LIG1: variants seen among roughly 807,000 people sequenced by gnomAD.
LIG1 encodes the protein ligase I, DNA, ATP-dependent.
LIG1 carries 70 observed loss-of-function variants against 115.7 expected under a neutral mutation model. The ratio of observed to expected loss-of-function variants is 0.60; its 90% confidence interval spans 0.50 to 0.74. The LOEUF (loss-of-function observed/expected upper bound fraction) is 0.74. LIG1 is among the 30% of genes least tolerant of loss of function. The pLI is 0.00. For synonymous variants in LIG1, 487 were observed against 495.3 expected, an observed-to-expected ratio of 0.98 and a Z score of 0.22; for missense variants, 1,115 against 1,225.6, an observed-to-expected ratio of 0.91 and a Z score of 1.35.
At chr19:48,123,622 G>C (rs976273095) in intron 21 of LIG1, 5 of 432,864 alleles carry the variant, frequency 1.2e-5, no homozygotes, top group Admixed American at 7.1e-5. Flanking sequence ...TTTGTTTTTT[G>C]TTTTTGTTTT....
At chr19:48,146,808 C>T (rs915471081) in intron 9 of LIG1, among the ~76,000 whole-genome samples, 11 of 152,164 alleles carry the variant, frequency 7.2e-5, no homozygotes, top group Middle Eastern at 3.2e-3. Context: ...TCAGGAGGCA[C>T]GATATGGCAA....
chr19:48,166,239 A>G (rs1429487431), intron 1 of LIG1, among the ~76,000 whole-genome samples: 2 of 152,178 alleles, frequency 1.3e-5, no homozygotes, highest in Non-Finnish European at 1.5e-5. Context: ...TCTACTAAAA[A>G]TACAAAAATT....
In LIG1 at chr19:48,127,990, G is replaced by C. The variant is rs1210106066; in HGVS notation, c.1852C>G (p.Leu618Val). 1.9e-6 allele frequency: 3 copies of C among 1,614,174 alleles called. No homozygotes were observed. The highest frequency in any genetic ancestry group is 2.5e-6 in the Non-Finnish European group (3 of 1,180,022). ...IKLPSVTSFI[L>V]DTEAVAWDRE... ...TCCCAAGCCACGGCTTCGGTGTCCA[G>C]GATGAAGGATGTGACCGATGGGAGT... The change falls in exon 20 of 28, where the codon CTG (leucine) becomes GTG (valine). Residue 618 changes from leucine to valine, a missense_variant. Transcript: ENST00000263274.
At chr19:48,121,665 G>C (rs2122358512) in intron 23 of LIG1, among the ~76,000 whole-genome samples, 1 of 152,300 alleles carries the variant, frequency 6.6e-6, no homozygotes, top group South Asian at 2.1e-4. Flanking sequence ...GCCGGGCGTG[G>C]TGGCGTGTGC....
At chr19:48,158,822 C>A (rs932264241) in intron 4 of LIG1, among the ~76,000 whole-genome samples, 2 of 152,216 alleles carry the variant, frequency 1.3e-5, no homozygotes, top group African/African-American at 4.8e-5. Context: ...GCTCTCGGGG[C>A]ACCTTCTCTA....
intron 21 of LIG1, among the ~76,000 whole-genome samples, chr19:48,125,333 A>C (rs1599751903): frequency 6.6e-6 from 1 of 152,332 alleles, no homozygotes; most frequent in East Asian, 1.9e-4. Context: ...TCCTCTCCCC[A>C]GACATCACGG....
chr19:48,144,521 A>G (rs750330354), intron 9 of LIG1, among the ~76,000 whole-genome samples: 6 of 152,028 alleles, frequency 3.9e-5, no homozygotes, highest in Non-Finnish European at 8.8e-5. Flanking sequence ...TTTTTTCTTG[A>G]GACAGAGTCT....
intron 21 of LIG1, 90 bp from the exon 22 acceptor site, chr19:48,123,408 G>T: frequency 6.9e-7 from 1 of 1,451,234 alleles, no homozygotes. Context: ...GGACATGTGC[G>T]GGTCACAACT....
Position 48,153,963 on chromosome 19 carries a change from C to T in LIG1, c.375G>A (p.Arg125=), listed in dbSNP as rs773567172. ...PSGIPKRRTA[R]KQLPKRTIQE... is the part of the protein sequence containing the mutation. Reference sequence around the variant, plus strand: ...GAATGGTCCGTTTCGGGAGCTGCTTCCGAGCTGGGGAGGCAAAGGGCTTGG... The same window carrying T: ...GAATGGTCCGTTTCGGGAGCTGCTTTCGAGCTGGGGAGGCAAAGGGCTTGG... The change falls in exon 6 of 28, where the codon CGG becomes CGA. Residue 125 remains arginine (R), a synonymous_variant. Transcript: ENST00000263274. The T allele has an allele frequency of 2.3e-5, 37 of 1,613,868 alleles. No homozygotes were observed. The South Asian group carries it at 4.1e-4, about 18-fold the overall frequency.
At chr19:48,141,527 A>G (rs2034756415) in intron 11 of LIG1, among the ~76,000 whole-genome samples, 1 of 152,244 alleles carries the variant, frequency 6.6e-6, no homozygotes, top group African/African-American at 2.4e-5. Flanking sequence ...AGAGGCACCG[A>G]AAGAGTCCGT....
At chr19:48,126,769 CA>C (rs2033697096) in intron 21 of LIG1, among the ~76,000 whole-genome samples, 1 of 143,224 alleles carries the variant, frequency 7.0e-6, no homozygotes, top group Non-Finnish European at 1.5e-5. Flanking sequence ...TTTGAATAGA[CA>C]CAAGGTCTTT....
At chr19:48,125,443 T>G (rs937556535) in intron 21 of LIG1, among the ~76,000 whole-genome samples, 11 of 152,188 alleles carry the variant, frequency 7.2e-5, no homozygotes, top group Admixed American at 2.0e-4. Flanking sequence ...CAAAGGCATC[T>G]CTGCATTAGA....
chr19:48,139,866 C>A lies in LIG1; in HGVS notation c.1087+105G>T, dbSNP rs1033325905. ...CTCCCTCTCAGCCTTCTCCTCAACC[C>A]TGTTTCACAGCCTCTCTCCACCATC... On this transcript the variant is annotated intron_variant, in intron 12 of 27. Coordinates refer to ENST00000263274, the MANE Select transcript of LIG1 (RefSeq NM_000234.3). 1.5e-4 allele frequency: 209 copies of A among 1,349,400 alleles called. 1 individual carries two copies. Among genetic ancestry groups the A allele is most frequent in the Non-Finnish European group, 2.1e-4 (198 of 945,888 alleles). 83.6% of individuals were successfully genotyped at this position (1,349,400 alleles called of 1,614,324 possible).
intron 6 of LIG1, 99 bp from the exon 7 acceptor site, chr19:48,151,438 C>CT (rs963983849): frequency 7.6e-5 from 61 of 805,610 alleles, no homozygotes; most frequent in Non-Finnish European, 9.6e-5. Flanking sequence ...GTCATCTGTT[C>CT]TTTTTTTTGA....
intron 12 of LIG1, among the ~76,000 whole-genome samples, chr19:48,138,207 G>A (rs904539763): frequency 1.3e-5 from 2 of 152,160 alleles, no homozygotes; most frequent in African/African-American, 4.8e-5. Flanking sequence ...GAGCTGGGGA[G>A]ATGGAGCCTC....
intron 12 of LIG1, among the ~76,000 whole-genome samples, chr19:48,139,200 G>A (rs1020194083): frequency 1.3e-5 from 2 of 152,202 alleles, no homozygotes; most frequent in Non-Finnish European, 2.9e-5. Flanking sequence ...GGCCCTGGGG[G>A]CCCACAGATA....
intron 4 of LIG1, chr19:48,161,078 T>C: frequency 2.2e-6 from 1 of 463,022 alleles, no homozygotes; most frequent in Non-Finnish European, 4.0e-6. Flanking sequence ...CTCAGATCTG[T>C]ATGTAAATCG....
Position 48,137,397 on chromosome 19 carries a change from G to T in LIG1, c.1254+125C>A. 1 of 1,238,570 alleles carries T rather than the reference G, an allele frequency of 8.1e-7. No homozygotes were observed. The highest frequency in any genetic ancestry group is 1.1e-6 in the Non-Finnish European group (1 of 879,154). The allele number at this position is 1,238,570 out of a possible 1,614,324, so 76.7% of individuals were successfully genotyped here. ...GGTGCAGGAAGGAGGAGAGGAAGCTGTGCACCCCATGAGAAGGACTGATGC... is the reference window on the plus strand; with the variant it reads ...GGTGCAGGAAGGAGGAGAGGAAGCTTTGCACCCCATGAGAAGGACTGATGC... On this transcript the variant is annotated intron_variant, in intron 13 of 27. Coordinates refer to ENST00000263274, the MANE Select transcript of LIG1 (RefSeq NM_000234.3). This position sits in a 1 kb window ranked among gnomAD's most constrained non-coding sequence, Gnocchi z 4.3.
Position 48,135,799 on chromosome 19 carries a change from A to AG in LIG1, c.1424-21dup, listed in dbSNP as rs1451583947. The AG allele has an allele frequency of 3.8e-6, 6 of 1,590,096 alleles. No individual in the cohort carries two copies. In the African/African-American group the frequency reaches 8.1e-5, roughly 21 times the overall value. On this transcript the variant is annotated intron_variant, in intron 15 of 27. Transcript: ENST00000263274. ...GGAATTCTAAGAAAAGACCCACCAG[A>AG]GGCTTTGGAAGGCACCCACATCCTT...
Sources: gnomAD v4.1 joint callset for allele counts (sites outside exome capture counted in the v4.1 genomes callset) on GRCh38, gnomAD v4.1.1 for gene constraint, Gnocchi (gnomAD v3.1) non-coding constraint, MANE v1.5 for transcripts, NCBI Gene and HGNC (gene_info 2026-07-23, HGNC 2026-07-21) for gene names.